SORL1: variants seen among roughly 807,000 people sequenced by gnomAD.
SORL1 encodes sortilin related receptor 1.
SORL1 carries 127 observed loss-of-function variants against 273.7 expected under a neutral mutation model. That is an observed-to-expected ratio of 0.46 (90% CI 0.40 to 0.54). The LOEUF is 0.54. Among genes scored for constraint, SORL1 ranks in the 20% least tolerant of loss-of-function variants. The pLI, the probability that SORL1 is intolerant of heterozygous loss-of-function variation, is 0.00. For missense variants in SORL1, 2,494 were observed against 2,846.1 expected (o/e 0.88, Z 2.81); for synonymous variants, 1,031 against 1,067.4 (o/e 0.97, Z 0.66).
chr11:121,525,411 G>A (rs1007824568), intron 11 of SORL1, among the ~76,000 whole-genome samples: 2 of 152,128 alleles, frequency 1.3e-5, no homozygotes, highest in African/African-American at 4.8e-5. Context: ...TAGCTGTTAT[G>A]AACATTCATG....
chr11:121,622,398 A>G, intron 45 of SORL1, 130 bp downstream of exon 45: 2 of 581,760 alleles, frequency 3.4e-6, no homozygotes, highest in South Asian at 2.3e-5. Flanking sequence ...GGACATGGAC[A>G]TGAACTTGAG....
At chr11:121,618,450 C>G (rs899280380) in intron 41 of SORL1, among the ~76,000 whole-genome samples, 7 of 152,142 alleles carry the variant, frequency 4.6e-5, no homozygotes, top group Admixed American at 1.3e-4. Context: ...CCTGGCTCAT[C>G]ATGTGGGTTT....
intron 1 of SORL1, among the ~76,000 whole-genome samples, chr11:121,454,740 T>C (rs774322216): frequency 2.0e-4 from 30 of 152,224 alleles, no homozygotes; most frequent in Non-Finnish European, 4.0e-4. Context: ...CTGCCACAAG[T>C]TCTATCTGGT....
At chr11:121,504,627 T>C (rs1179844053) in intron 6 of SORL1, among the ~76,000 whole-genome samples, 1 of 152,198 alleles carries the variant, frequency 6.6e-6, no homozygotes, top group African/African-American at 2.4e-5. Flanking sequence ...TGTTGTCTGC[T>C]AAAAGAGACA....
chr11:121,481,142 T>C (rs77508279), intron 3 of SORL1, among the ~76,000 whole-genome samples: 4 of 107,854 alleles, frequency 3.7e-5, no homozygotes, highest in Admixed American at 9.7e-5. Flanking sequence ...CCATCTCTTC[T>C]TCCCCAGCTT....
chr11:121,573,921 A>G (rs1478153878), intron 23 of SORL1, among the ~76,000 whole-genome samples: 2 of 152,198 alleles, frequency 1.3e-5, no homozygotes, highest in Non-Finnish European at 2.9e-5. Flanking sequence ...TTATTTAGGA[A>G]GACACTTTTC....
chr11:121,608,206 A>T (rs1455657003), intron 38 of SORL1, 30 bp downstream of exon 38: 1 of 1,554,006 alleles, frequency 6.4e-7, no homozygotes, highest in Non-Finnish European at 8.9e-7. Context: ...GCAGATTTAG[A>T]GAAAATATTA....
At chr11:121,611,528 A>G (rs1863563808) in intron 39 of SORL1, 1 of 161,134 alleles carries the variant, frequency 6.2e-6, no homozygotes, top group Non-Finnish European at 1.4e-5. Flanking sequence ...CAGTGGAAGA[A>G]CAACCTTCTT....
chr11:121,570,311 C>G, intron 23 of SORL1, 41 bp downstream of exon 23: 1 of 1,497,778 alleles, frequency 6.7e-7, no homozygotes, highest in Non-Finnish European at 9.3e-7. Context: ...TACCATTACT[C>G]AGAAGCCTGG....
chr11:121,506,156 G>T (rs1279205302), intron 6 of SORL1, among the ~76,000 whole-genome samples: 10 of 152,046 alleles, frequency 6.6e-5, no homozygotes, highest in African/African-American at 2.4e-4. Context: ...GTTTATGATT[G>T]TTAATTCTTC....
At position 121,452,399 on chromosome 11, in the gene SORL1, C is replaced by A; in HGVS notation, c.68C>A (p.Pro23Gln). The change falls in exon 1 of 48, where the codon CCG (proline) becomes CAG (glutamine). Residue 23 changes from proline to glutamine, a missense_variant. By Grantham distance (76) the Pro-to-Gln change is moderately conservative. Around this residue, in one of 3 missense-constraint regions of SORL1, gnomAD observed 175 missense variants for 147.1 expected, o/e 1.19. Transcript: ENST00000260197. The surrounding 1 kb of genome is among the most constrained non-coding windows in gnomAD (Gnocchi z 5.3). ...PFLFTLVALL[P>Q]PGALCEVWTQ... The stretch of plus-strand genomic sequence containing the variant: ...CTATTCACCCTGGTCGCACTGCTGC[C>A]GCCCGGAGCTCTCTGCGAAGTCTGG... The A allele has an allele frequency of 6.5e-7, 1 of 1,535,490 alleles. No homozygotes were observed. Among genetic ancestry groups the A allele is most frequent in the Non-Finnish European group, 8.7e-7 (1 of 1,144,812 alleles).
chr11:121,559,797 C>T (rs1330314374), intron 21 of SORL1, 140 bp downstream of exon 21: 6 of 678,074 alleles, frequency 8.8e-6, no homozygotes, highest in Non-Finnish European at 1.2e-5. Flanking sequence ...TAATTTCTTC[C>T]TAATGACATC....
chr11:121,506,218 A>AT (rs1313240720), intron 6 of SORL1, among the ~76,000 whole-genome samples: 2 of 152,070 alleles, frequency 1.3e-5, no homozygotes, highest in Non-Finnish European at 2.9e-5. Flanking sequence ...TCTAGTAACT[A>AT]TTTTTTGTCT....
chr11:121,508,742 T>G (rs1861825702), intron 6 of SORL1, among the ~76,000 whole-genome samples: 1 of 152,240 alleles, frequency 6.6e-6, no homozygotes, highest in African/African-American at 2.4e-5. Context: ...AGCTGGCTAT[T>G]TTTGCCAAGA....
At chr11:121,518,664 A>G (rs1476748436) in intron 8 of SORL1, among the ~76,000 whole-genome samples, 2 of 152,110 alleles carry the variant, frequency 1.3e-5, no homozygotes, top group African/African-American at 2.4e-5. Context: ...ACTGAACTAG[A>G]CCTAAGGAAA....
intron 1 of SORL1, among the ~76,000 whole-genome samples, chr11:121,469,261 C>T (rs1370642247): frequency 2.0e-5 from 3 of 152,188 alleles, no homozygotes; most frequent in African/African-American, 7.2e-5. Context: ...AGTCCCAGGC[C>T]ACACCTTCTG....
At chr11:121,590,318 C>A (rs1411728418) in intron 30 of SORL1, 144 bp downstream of exon 30, 3 of 744,710 alleles carry the variant, frequency 4.0e-6, no homozygotes, top group Non-Finnish European at 6.5e-6. Context: ...TTTTCTGTTC[C>A]TCTTTCTCAT....
intron 6 of SORL1, 124 bp from the exon 7 acceptor site, chr11:121,512,879 C>T (rs1861899196): frequency 5.8e-6 from 4 of 684,792 alleles, no homozygotes; most frequent in Admixed American, 5.2e-5. Flanking sequence ...AATTTGCAAT[C>T]ACAGTCTCTA....
chr11:121,478,458 C>T (rs958082337), intron 3 of SORL1, among the ~76,000 whole-genome samples: 1 of 152,182 alleles, frequency 6.6e-6, no homozygotes, highest in African/African-American at 2.4e-5. Flanking sequence ...ACTGGTCAGG[C>T]AGGATTTCTA....
Sources: gnomAD v4.1 joint callset for allele counts (sites outside exome capture counted in the v4.1 genomes callset) on GRCh38, gnomAD v4.1.1 for gene constraint, gnomAD v4.1.1 regional missense constraint, Gnocchi (gnomAD v3.1) non-coding constraint, MANE v1.5 for transcripts, NCBI Gene and HGNC (gene_info 2026-07-23, HGNC 2026-07-21) for gene names.